PDE1A: variants seen among roughly 807,000 people sequenced by gnomAD.
PDE1A encodes the protein phosphodiesterase 1A.
PDE1A carries 35 observed loss-of-function variants against 61.7 expected under a neutral mutation model. The ratio of observed to expected loss-of-function variants is 0.57; its 90% CI spans 0.43 to 0.75. The LOEUF is 0.75. PDE1A is among the 30% of genes least tolerant of loss of function. The probability of loss-of-function intolerance (pLI) is 0.00; values close to 1 mark genes in which losing one functional copy is unlikely to be tolerated. For missense variants in PDE1A, 597 were observed against 630.6 expected, an observed-to-expected ratio of 0.95 and a Z score of 0.57; for synonymous variants, 232 against 213.2, an observed-to-expected ratio of 1.09 and a Z score of -0.77.
chr2:182,371,972 T>C (rs1248410846), intron 1 of PDE1A, among the ~76,000 whole-genome samples: 1 of 152,078 alleles, frequency 6.6e-6, no homozygotes, highest in Non-Finnish European at 1.5e-5. Flanking sequence ...ATTTTTGTAT[T>C]TTTAGTAGAG....
At chr2:182,453,116 T>C (rs1057010392) in intron 2 of PDE1A, among the ~76,000 whole-genome samples, 6 of 152,188 alleles carry the variant, frequency 3.9e-5, no homozygotes, top group African/African-American at 1.4e-4. Flanking sequence ...TGACTTGACG[T>C]ATTTTTATGG....
chr2:182,652,395 G>A, the PDE1A span, among the ~76,000 whole-genome samples: 4 of 152,004 alleles, frequency 2.6e-5, no homozygotes, highest in Non-Finnish European at 5.9e-5. Context: ...GACCTCCTAC[G>A]ATCTGGATCC....
chr2:182,520,601 A>C (rs964677556), intron 2 of PDE1A, among the ~76,000 whole-genome samples: 1 of 151,964 alleles, frequency 6.6e-6, no homozygotes, highest in Admixed American at 6.6e-5. Context: ...ACTTTGCCCT[A>C]AAGTATCAAA....
At chr2:182,231,537 T>C (rs571219416) in intron 4 of PDE1A, among the ~76,000 whole-genome samples, 1 of 152,312 alleles carries the variant, frequency 6.6e-6, no homozygotes, top group East Asian at 1.9e-4. Context: ...GGTTTTTCTT[T>C]CTTACTCACT....
chr2:182,198,590 G>A (rs2125456142), intron 10 of PDE1A, among the ~76,000 whole-genome samples: 1 of 151,648 alleles, frequency 6.6e-6, no homozygotes, highest in South Asian at 2.1e-4. Context: ...CTATAGGGTT[G>A]ATAATTAATA....
At chr2:182,305,254 C>G (rs1372753730) in intron 1 of PDE1A, among the ~76,000 whole-genome samples, 1 of 152,078 alleles carries the variant, frequency 6.6e-6, no homozygotes, top group Non-Finnish European at 1.5e-5. Flanking sequence ...AATAAGATAG[C>G]AACTAATCTC....
the PDE1A span, among the ~76,000 whole-genome samples, chr2:182,589,273 A>AAGGG: frequency 5.2e-5 from 1 of 19,114 alleles, no homozygotes; most frequent in East Asian, 3.4e-3. Context: ...GGGAGGGAGG[A>AAGGG]AGGAAGGAAG....
intron 13 of PDE1A, among the ~76,000 whole-genome samples, chr2:182,169,728 T>A (rs1196063): frequency 2.5e-4 from 38 of 152,162 alleles, no homozygotes; most frequent in African/African-American, 7.5e-4. Context: ...CATCTGATAA[T>A]TCATCTTCCT....
At chr2:182,599,368 G>A in the PDE1A span, among the ~76,000 whole-genome samples, 3 of 151,670 alleles carry the variant, frequency 2.0e-5, no homozygotes, top group Admixed American at 6.6e-5. Context: ...TTTCCTGGAC[G>A]CTCATCTGCA....
the PDE1A span, among the ~76,000 whole-genome samples, chr2:182,646,408 A>G: frequency 6.9e-6 from 1 of 145,750 alleles, no homozygotes; most frequent in Non-Finnish European, 1.5e-5. Flanking sequence ...AAAAAAAAAA[A>G]GCCATACGCG....
At chr2:182,582,580 G>C in the PDE1A span, among the ~76,000 whole-genome samples, 3 of 152,318 alleles carry the variant, frequency 2.0e-5, no homozygotes, top group South Asian at 4.1e-4. Flanking sequence ...ATGGACAAAA[G>C]AGATGGGAGA....
At chr2:182,445,237 A>T (rs2125693752) in intron 2 of PDE1A, among the ~76,000 whole-genome samples, 1 of 152,278 alleles carries the variant, frequency 6.6e-6, no homozygotes, top group South Asian at 2.1e-4. Context: ...ATGAGGAATT[A>T]TAAAGGAACT....
chr2:182,363,431 G>C (rs1559378026), intron 1 of PDE1A, among the ~76,000 whole-genome samples: 2 of 151,876 alleles, frequency 1.3e-5, no homozygotes, highest in Non-Finnish European at 2.9e-5. Flanking sequence ...AAAAATAGAA[G>C]AGAGACATAG....
At chr2:182,695,297 G>C in the PDE1A span, among the ~76,000 whole-genome samples, 1 of 152,052 alleles carries the variant, frequency 6.6e-6, no homozygotes, top group East Asian at 1.9e-4. Context: ...GAGTCACAAT[G>C]TACCAAACCA....
intron 2 of PDE1A, among the ~76,000 whole-genome samples, chr2:182,446,939 AATAT>A (rs142029307): frequency 1.3e-5 from 2 of 149,420 alleles, no homozygotes. Context: ...TAAGTGAGAT[AATAT>A]ATATATATAT....
chr2:182,703,941 C>T, the PDE1A span, among the ~76,000 whole-genome samples: 1 of 152,010 alleles, frequency 6.6e-6, no homozygotes, highest in African/African-American at 2.4e-5. Flanking sequence ...TGGCTCACAC[C>T]TGTAATCCCA....
At chr2:182,252,243 T>C (rs1165574606) in intron 2 of PDE1A, among the ~76,000 whole-genome samples, 1 of 152,212 alleles carries the variant, frequency 6.6e-6, no homozygotes. Context: ...TTTTGATGCA[T>C]ATGTTGTATA....
intron 2 of PDE1A, among the ~76,000 whole-genome samples, chr2:182,451,951 A>G (rs997510641): frequency 5.9e-5 from 9 of 151,994 alleles, no homozygotes; most frequent in Admixed American, 5.2e-4. Flanking sequence ...CTGGTTCCAT[A>G]GCAGCAAAAA....
At chr2:182,626,762 CATATATAT>C in the PDE1A span, among the ~76,000 whole-genome samples, 412 of 10,802 alleles carry the variant, frequency 0.038, 46 homozygotes, top group Admixed American at 0.11. Context: ...TATATATATA[CATATATAT>C]ACATATATAT....
Sources: allele counts gnomAD v4.1 joint callset (sites outside exome capture counted in the v4.1 genomes callset), GRCh38; gene constraint gnomAD v4.1.1; transcripts MANE v1.5; gene names NCBI Gene and HGNC (gene_info 2026-07-23, HGNC 2026-07-21).